The following COL24A1 variants were observed in gnomAD, a reference collection of about 807,000 sequenced individuals.
COL24A1 encodes the protein collagen type XXIV alpha 1 chain.
Under a neutral mutation model 253.9 loss-of-function variants are expected in COL24A1, and 224 were observed. The ratio of observed to expected loss-of-function variants is 0.88; its 90% CI spans 0.79 to 0.99. COL24A1 has a LOEUF of 0.99. Among genes scored for constraint, COL24A1 ranks in the 50% least tolerant of loss-of-function variants. COL24A1 has a pLI of 0.00. For synonymous variants in COL24A1, 685 were observed against 673.7 expected (o/e 1.02, Z -0.26); for missense variants, 2,131 against 2,068.5 (o/e 1.03, Z -0.59).
At position 85,977,621 on chromosome 1, in the gene COL24A1, C is replaced by T. The variant is rs538195372; in HGVS notation, c.2365-6228G>A. On this transcript the variant is annotated intron_variant, in intron 20 of 59. Coordinates refer to ENST00000370571, the MANE Select transcript of COL24A1 (RefSeq NM_152890.7). ...AGACTAGGACAGGTAGAAGAAAGAA[C>T]TTCAGAGCTCAAAGACAAAGCTTCC... is the stretch of plus-strand genomic sequence containing the variant. Among the ~76,000 whole-genome samples the T allele has an allele frequency of 2.2e-4, 34 of 152,192 alleles. 1 individual carries two copies. In the South Asian group the frequency reaches 7.0e-3, roughly 32 times the overall value.
At chr1:85,875,893 A>G (rs1394815409) in intron 33 of COL24A1, among the ~76,000 whole-genome samples, 1 of 151,982 alleles carries the variant, frequency 6.6e-6, no homozygotes, top group South Asian at 2.1e-4. Flanking sequence ...AGTTCCTACT[A>G]TTGCTTGATG....
At chr1:85,917,717 G>C (rs1304369488) in intron 24 of COL24A1, among the ~76,000 whole-genome samples, 1 of 151,954 alleles carries the variant, frequency 6.6e-6, no homozygotes, top group Non-Finnish European at 1.5e-5. Context: ...TTGAGATGGA[G>C]TCTTGCTCTG....
intron 39 of COL24A1, 32 bp from the exon 40 acceptor site, chr1:85,842,425 A>T: frequency 2.2e-6 from 3 of 1,385,064 alleles, no homozygotes; most frequent in Non-Finnish European, 3.0e-6. Flanking sequence ...AGTGAGAGAG[A>T]GAAAGTAAAG....
intron 28 of COL24A1, among the ~76,000 whole-genome samples, chr1:85,901,185 C>A (rs1440062284): frequency 2.0e-5 from 3 of 152,020 alleles, no homozygotes; most frequent in Non-Finnish European, 4.4e-5. Flanking sequence ...ATCCAGAATA[C>A]ACAAGGAACT....
chr1:85,811,335 C>A (rs1021931797), intron 47 of COL24A1, among the ~76,000 whole-genome samples: 2 of 152,114 alleles, frequency 1.3e-5, no homozygotes, highest in African/African-American at 4.8e-5. Flanking sequence ...CTCTAGTCAT[C>A]TTTTTACTAT....
Position 85,787,930 on chromosome 1 carries a change from G to A in COL24A1, c.3952-1469C>T, listed in dbSNP as rs115837064. ...CTTTTTAATAATTGCCATTCTGACC[G>A]GTGTGAGATGGTATCTCATCGTGGA... On this transcript the variant is annotated intron_variant, in intron 47 of 59. Coordinates refer to ENST00000370571, the MANE Select transcript of COL24A1 (RefSeq NM_152890.7). 2.2e-3 allele frequency among the ~76,000 whole-genome samples: 341 copies of A among 152,212 alleles called. 4 individuals carry two copies. The highest frequency in any genetic ancestry group is 7.7e-3 in the African/African-American group (318 of 41,530).
chr1:85,975,554 T>TA (rs939351978), intron 20 of COL24A1, among the ~76,000 whole-genome samples: 7 of 151,366 alleles, frequency 4.6e-5, no homozygotes, highest in South Asian at 4.2e-4. Flanking sequence ...ATGTGGAAGC[T>TA]AAAAAAAAAT....
At chr1:85,934,713 T>C (rs936902087) in intron 24 of COL24A1, among the ~76,000 whole-genome samples, 6 of 152,274 alleles carry the variant, frequency 3.9e-5, no homozygotes, top group Non-Finnish European at 8.8e-5. Flanking sequence ...AATAGTTTCA[T>C]TGGAACACAG....
intron 24 of COL24A1, among the ~76,000 whole-genome samples, chr1:85,924,622 C>A (rs1283555894): frequency 6.6e-6 from 1 of 152,112 alleles, no homozygotes; most frequent in African/African-American, 2.4e-5. Context: ...ACTCAACAGC[C>A]CTTCATGCTA....
chr1:86,011,522 A>G (rs6685084), intron 19 of COL24A1, among the ~76,000 whole-genome samples: 1,822 of 152,242 alleles, frequency 0.012, 39 homozygotes, highest in African/African-American at 0.041. Context: ...TCTTGGTACT[A>G]TAAAACTTGT....
At chr1:85,972,196 T>C (rs1306883443) in intron 20 of COL24A1, among the ~76,000 whole-genome samples, 1 of 152,150 alleles carries the variant, frequency 6.6e-6, no homozygotes, top group Non-Finnish European at 1.5e-5. Flanking sequence ...TTTAGTCATT[T>C]TATAACCATT....
intron 43 of COL24A1, among the ~76,000 whole-genome samples, chr1:85,833,830 A>G (rs577155795): frequency 6.6e-6 from 1 of 152,066 alleles, no homozygotes; most frequent in Admixed American, 6.6e-5. Context: ...CATGGATGAA[A>G]CTGGAAACCA....
chr1:86,144,862 T>C (rs1651656678), intron 2 of COL24A1, among the ~76,000 whole-genome samples: 1 of 152,124 alleles, frequency 6.6e-6, no homozygotes. Context: ...GCACAGTGAC[T>C]AGTAGCTCAT....
At chr1:85,867,057 T>C (rs944659895) in intron 37 of COL24A1, among the ~76,000 whole-genome samples, 4 of 152,192 alleles carry the variant, frequency 2.6e-5, no homozygotes, top group Admixed American at 6.6e-5. Context: ...CTAAAGGAAT[T>C]ATAGTCATTG....
chr1:86,000,701 C>A lies in COL24A1; in HGVS notation c.2311-13047G>T, dbSNP rs993581492. 2.6e-5 allele frequency among the ~76,000 whole-genome samples: 4 copies of A among 152,174 alleles called. No individual in the cohort carries two copies. In the East Asian group the frequency reaches 5.8e-4, roughly 22 times the overall value. On this transcript the variant is annotated intron_variant, in intron 19 of 59. Transcript: ENST00000370571. ...CTTCAGTCTTTGTCTCTAATGAAGA[C>A]CACCCTGACGGAAAAAGAGGACCCA...
chr1:85,962,041 T>C (rs925487539), intron 23 of COL24A1, among the ~76,000 whole-genome samples: 4 of 152,186 alleles, frequency 2.6e-5, no homozygotes, highest in African/African-American at 9.7e-5. Flanking sequence ...TTTTTAAAAA[T>C]AAAATCTTTA....
chr1:85,887,170 T>A (rs1272580266), intron 32 of COL24A1, among the ~76,000 whole-genome samples: 1 of 152,182 alleles, frequency 6.6e-6, no homozygotes, highest in African/African-American at 2.4e-5. Flanking sequence ...AATTTTAGAG[T>A]ACAGCATTCC....
intron 5 of COL24A1, among the ~76,000 whole-genome samples, chr1:86,102,593 A>T (rs1704567836): frequency 6.6e-6 from 1 of 152,088 alleles, no homozygotes; most frequent in South Asian, 2.1e-4. Context: ...TGTTCTCATT[A>T]GTTTCAAAGA....
At chr1:85,914,245 C>T (rs528762756) in intron 24 of COL24A1, among the ~76,000 whole-genome samples, 210 of 151,140 alleles carry the variant, frequency 1.4e-3, no homozygotes, top group Admixed American at 2.8e-3. Context: ...GGCCATGTGA[C>T]CAGTTACAGA....
Sources: gnomAD v4.1 joint callset for allele counts (sites outside exome capture counted in the v4.1 genomes callset) on GRCh38, gnomAD v4.1.1 for gene constraint, MANE v1.5 for transcripts, NCBI Gene and HGNC (gene_info 2026-07-23, HGNC 2026-07-21) for gene names.